The following COL23A1 variants were observed in gnomAD, a reference collection of about 807,000 sequenced individuals.
The protein encoded by COL23A1 is collagen type XXIII alpha 1 chain, also known as collagen alpha-1(XXIII) chain.
In COL23A1, 97 loss-of-function variants were observed where a neutral mutation model predicts 99.3. That is an observed-to-expected ratio of 0.98 (90% CI 0.83 to 1.16). The LOEUF (loss-of-function observed/expected upper bound fraction) is 1.16. Ranked by LOEUF, COL23A1 falls within the 50% of genes most tolerant of loss-of-function variation. The pLI, the probability that COL23A1 is intolerant of heterozygous loss-of-function variation, is 0.00. For synonymous variants in COL23A1, 320 were observed against 308.2 expected (o/e 1.04, Z -0.40); for missense variants, 762 against 757.4 (o/e 1.01, Z -0.07).
chr5:178,411,553 A>G (rs1433039660), intron 2 of COL23A1, among the ~76,000 whole-genome samples: 1 of 152,248 alleles, frequency 6.6e-6, no homozygotes, highest in African/African-American at 2.4e-5. Context: ...GGTGTTGTAT[A>G]ACTTACATGA....
intron 2 of COL23A1, among the ~76,000 whole-genome samples, chr5:178,427,272 A>G (rs1015181727): frequency 6.6e-6 from 1 of 152,234 alleles, no homozygotes; most frequent in African/African-American, 2.4e-5. Context: ...GAACCACCAG[A>G]TGCTGGCAGG....
At chr5:178,550,949 A>T (rs2113467259) in intron 2 of COL23A1, among the ~76,000 whole-genome samples, 1 of 152,194 alleles carries the variant, frequency 6.6e-6, no homozygotes, top group South Asian at 2.1e-4. Context: ...TTTCTAACAG[A>T]TAGTCTACCT....
intron 7 of COL23A1, 124 bp from the exon 8 acceptor site, chr5:178,267,457 G>A (rs1755969109): frequency 1.1e-6 from 1 of 939,980 alleles, no homozygotes; most frequent in Non-Finnish European, 1.6e-6. Flanking sequence ...AAAATAGCAG[G>A]CAGGCCCTAT....
chr5:178,574,632 A>AT (rs1373650837), intron 1 of COL23A1, among the ~76,000 whole-genome samples: 3 of 152,200 alleles, frequency 2.0e-5, no homozygotes, highest in Non-Finnish European at 2.9e-5. Context: ...TTTCCCCACA[A>AT]ATATACACAC....
In COL23A1 at chr5:178,492,687, C is replaced by T. The variant is rs1281336146; in HGVS notation, c.361+67995G>A. The stretch of plus-strand genomic sequence containing the variant: ...CAAGAAGGCCACATCTCGTATGACT[C>T]CACGTACACGAAATGTCCAGAACAG... On this transcript the variant is annotated intron_variant, in intron 2 of 28. Transcript: ENST00000390654. 2.6e-5 allele frequency among the ~76,000 whole-genome samples: 4 copies of T among 151,236 alleles called. No individual in the cohort carries two copies. The Admixed American group carries it at 2.6e-4, about 10-fold the overall frequency.
At chr5:178,245,586 T>TC (rs1056531455) in intron 25 of COL23A1, among the ~76,000 whole-genome samples, 5 of 124,452 alleles carry the variant, frequency 4.0e-5, no homozygotes, top group Non-Finnish European at 6.8e-5. Context: ...ATCCATTCAT[T>TC]CATCCATCCA....
In COL23A1 at chr5:178,249,102, A is replaced by C. The variant is rs1322191990; in HGVS notation, c.1149+15T>G. The C allele has an allele frequency of 6.2e-7, 1 of 1,612,526 alleles. No individual in the cohort carries two copies. The highest frequency in any genetic ancestry group is 1.3e-5 in the African/African-American group (1 of 75,014). On this transcript the variant is annotated intron_variant, in intron 19 of 28. Coordinates refer to ENST00000390654, the MANE Select transcript of COL23A1 (RefSeq NM_173465.4). Reference sequence around the variant, plus strand: ...ACACAGGAGGCGTAATGTGTGGCCCAACCCAGCCACATACCGGGAGGCCGG... The same window carrying C: ...ACACAGGAGGCGTAATGTGTGGCCCCACCCAGCCACATACCGGGAGGCCGG...
intron 2 of COL23A1, among the ~76,000 whole-genome samples, chr5:178,386,308 A>G (rs991170145): frequency 8.7e-4 from 133 of 152,212 alleles, no homozygotes; most frequent in African/African-American, 3.1e-3. Flanking sequence ...GCATGGAAGC[A>G]TGCGCCTGTA....
chr5:178,332,309 C>T (rs1023655608), intron 2 of COL23A1, among the ~76,000 whole-genome samples: 10 of 152,156 alleles, frequency 6.6e-5, no homozygotes, highest in Admixed American at 2.0e-4. Flanking sequence ...GTGTGATTTA[C>T]GGTCCACCCA....
intron 2 of COL23A1, among the ~76,000 whole-genome samples, chr5:178,361,454 T>C (rs553218096): frequency 5.3e-5 from 8 of 152,048 alleles, no homozygotes; most frequent in Non-Finnish European, 1.2e-4. Context: ...CTGAGGAGGG[T>C]AGAAGCTGAT....
intron 3 of COL23A1, 45 bp from the exon 4 acceptor site, chr5:178,290,414 A>AGTCCCCTCGCCTGTCCTCAGCACG: frequency 1.2e-6 from 2 of 1,611,064 alleles, no homozygotes; most frequent in Middle Eastern, 1.7e-4. Context: ...TGGAAGGCAG[A>AGTCCCCTCGCCTGTCCTCAGCACG]GTCCCCTCGC....
intron 2 of COL23A1, among the ~76,000 whole-genome samples, chr5:178,425,314 C>T (rs1450803526): frequency 6.6e-6 from 1 of 151,760 alleles, no homozygotes; most frequent in East Asian, 1.9e-4. Context: ...CCCAGCTACT[C>T]GGGAGGCTGA....
At chr5:178,447,796 G>A (rs915082955) in intron 2 of COL23A1, among the ~76,000 whole-genome samples, 1 of 152,288 alleles carries the variant, frequency 6.6e-6, no homozygotes, top group East Asian at 1.9e-4. Flanking sequence ...GGAAGGAGGA[G>A]AATATGAAGG....
At chr5:178,527,236 G>T (rs1255538671) in intron 2 of COL23A1, among the ~76,000 whole-genome samples, 1 of 152,210 alleles carries the variant, frequency 6.6e-6, no homozygotes, top group East Asian at 1.9e-4. Context: ...AAAAGTGCTG[G>T]ACCTGGGGCT....
chr5:178,362,392 T>A (rs1762220543), intron 2 of COL23A1, among the ~76,000 whole-genome samples: 1 of 152,174 alleles, frequency 6.6e-6, no homozygotes, highest in African/African-American at 2.4e-5. Context: ...CACCAGCCTC[T>A]GGGCTGATAC....
At chr5:178,388,487 G>A (rs914934163) in intron 2 of COL23A1, among the ~76,000 whole-genome samples, 3 of 152,212 alleles carry the variant, frequency 2.0e-5, no homozygotes, top group Non-Finnish European at 4.4e-5. Context: ...TTCTTCAGCG[G>A]CTCCTCCCAA....
intron 2 of COL23A1, among the ~76,000 whole-genome samples, chr5:178,341,942 C>T (rs1194972220): frequency 1.3e-5 from 2 of 152,156 alleles, no homozygotes; most frequent in Admixed American, 6.5e-5. Context: ...CGCTCTCACC[C>T]GGCACTGGAG....
intron 20 of COL23A1, 62 bp from the exon 21 acceptor site, chr5:178,247,893 G>T: frequency 7.0e-7 from 1 of 1,421,206 alleles, no homozygotes; most frequent in South Asian, 1.2e-5. Context: ...ACCCGCACCC[G>T]AGCTCATCGC....
chr5:178,560,858 G>T, intron 1 of COL23A1, 110 bp from the exon 2 acceptor site: 2 of 1,006,964 alleles, frequency 2.0e-6, no homozygotes, highest in Non-Finnish European at 2.9e-6. Flanking sequence ...ACCATCTACA[G>T]TGCTGGGGCT....
Sources: gnomAD v4.1 joint callset for allele counts (sites outside exome capture counted in the v4.1 genomes callset) on GRCh38, gnomAD v4.1.1 for gene constraint, MANE v1.5 for transcripts, NCBI Gene and HGNC (gene_info 2026-07-23, HGNC 2026-07-21) for gene names.